UBN2: variants seen among roughly 807,000 people sequenced by gnomAD.
The protein encoded by UBN2 is ubinuclein-2.
UBN2 carries 35 observed loss-of-function variants against 120.2 expected under a neutral mutation model. The observed-to-expected ratio is 0.29, with a 90% confidence interval of 0.22 to 0.39. UBN2 has a LOEUF of 0.39. Among genes scored for constraint, UBN2 ranks in the 10% least tolerant of loss-of-function variants. The pLI, the probability that UBN2 is intolerant of heterozygous loss-of-function variation, is 1.00. For synonymous variants in UBN2, 661 were observed against 648.7 expected, an observed-to-expected ratio of 1.02 and a Z score of -0.29; for missense variants, 1,693 against 1,663.2, an observed-to-expected ratio of 1.02 and a Z score of -0.31.
chr7:139,313,495 A>G, the UBN2 span, among the ~76,000 whole-genome samples: 1 of 152,194 alleles, frequency 6.6e-6, no homozygotes, highest in Non-Finnish European at 1.5e-5. Context: ...TTATTTTACT[A>G]GCTTTTCAAT....
At chr7:139,261,109 G>C (rs1796917356) in intron 5 of UBN2, 143 bp from the exon 6 acceptor site, 3 of 964,066 alleles carry the variant, frequency 3.1e-6, no homozygotes, top group Admixed American at 6.0e-5. Context: ...AGGTGCTATT[G>C]TAATAGTATA....
chr7:139,258,584 G>C lies in UBN2; in HGVS notation c.760G>C (p.Glu254Gln), dbSNP rs202078043. 1,492 of 1,606,644 alleles carry C rather than the reference G, an allele frequency of 9.3e-4. No homozygotes were observed. The highest frequency in any genetic ancestry group is 1.2e-3 in the Non-Finnish European group (1,365 of 1,175,852). ...LQFRQASDTE[E>Q]DDITDNQKHK... is the part of the protein sequence containing the mutation. ...GTTTCGCCAAGCTTCAGATACTGAA[G>C]AAGATGATATTACAGACAACCAAAA... Residue 254 changes from glutamate (E) to glutamine (Q), a missense_variant, in exon 4 of 18, where the codon GAA becomes CAA. Glu to Gln is a conservative substitution (Grantham distance 29). This residue lies in a region of UBN2 where 663 missense variants were observed against 591.2 expected (regional missense o/e 1.12). Coordinates refer to ENST00000473989, the MANE Select transcript of UBN2 (RefSeq NM_173569.4).
At chr7:139,232,236 C>T (rs951049515) in intron 1 of UBN2, among the ~76,000 whole-genome samples, 1 of 152,276 alleles carries the variant, frequency 6.6e-6, no homozygotes, top group Non-Finnish European at 1.5e-5. Flanking sequence ...TTCGGAACCT[C>T]AGATTTTCCT....
intron 10 of UBN2, 108 bp from the exon 11 acceptor site, chr7:139,273,823 G>A: frequency 1.1e-6 from 1 of 951,348 alleles, no homozygotes; most frequent in Non-Finnish European, 1.5e-6. Context: ...AATGATATAT[G>A]TTAGAAATTG....
At chr7:139,324,098 T>C in the UBN2 span, among the ~76,000 whole-genome samples, 3 of 152,120 alleles carry the variant, frequency 2.0e-5, no homozygotes, top group African/African-American at 7.2e-5. Context: ...CATAAGCATT[T>C]AAATACCCTG....
chr7:139,310,518 C>T (rs1336638708), downstream of UBN2, among the ~76,000 whole-genome samples: 2 of 152,128 alleles, frequency 1.3e-5, no homozygotes, highest in Non-Finnish European at 2.9e-5. Context: ...TGCCTGTAAT[C>T]CCAGTACTTT....
rs143036503 is a variant in UBN2, at chr7:139,248,360, C to G, written c.562-3596C>G. On this transcript the variant is annotated intron_variant, in intron 2 of 17. Transcript: ENST00000473989. ...TGGCAGATGCTTTCAGATTGCTTTC[C>G]AAAAGGGTTTTATTGGTACATTCTT... is the stretch of plus-strand genomic sequence containing the variant. 2.0e-3 allele frequency among the ~76,000 whole-genome samples: 304 copies of G among 152,172 alleles called. 4 individuals are homozygous for G. Among genetic ancestry groups the G allele is most frequent in the African/African-American group, 6.7e-3 (280 of 41,548 alleles).
chr7:139,248,932 C>A (rs1046334934), intron 2 of UBN2, among the ~76,000 whole-genome samples: 1 of 151,932 alleles, frequency 6.6e-6, no homozygotes, highest in African/African-American at 2.4e-5. Flanking sequence ...AAATAAAGGA[C>A]AATCTATTAT....
At chr7:139,268,760 G>A (rs1001906005) in intron 7 of UBN2, among the ~76,000 whole-genome samples, 1 of 152,174 alleles carries the variant, frequency 6.6e-6, no homozygotes, top group East Asian at 1.9e-4. Context: ...TTTGAGGAAA[G>A]GAGCTTTTGG....
chr7:139,283,699 C>T lies in UBN2; in HGVS notation c.2794C>T (p.His932Tyr). 6.2e-7 allele frequency: 1 copy of T among 1,614,126 alleles called. No individual in the cohort carries two copies. Among genetic ancestry groups the T allele is most frequent in the Admixed American group, 1.7e-5 (1 of 60,022 alleles). The stretch of plus-strand genomic sequence containing the variant: ...AACACAAGTAACAAAGGTGCACCAG[C>T]ATTCAGCTGTCCAGCAGAACTATGT... ...SLTQVTKVHQ[H>Y]SAVQQNYVSP... is the part of the protein sequence containing the mutation. Residue 932 changes from histidine to tyrosine, a missense_variant, in exon 15 of 18, where the codon CAT becomes TAT. His to Tyr is a moderately conservative substitution (Grantham distance 83). This residue lies in a region of UBN2 where 837 missense variants were observed against 817.6 expected (regional missense o/e 1.02). Coordinates refer to ENST00000473989, the MANE Select transcript of UBN2 (RefSeq NM_173569.4).
At chr7:139,265,968 A>G (rs1797085347) in intron 6 of UBN2, among the ~76,000 whole-genome samples, 3 of 152,040 alleles carry the variant, frequency 2.0e-5, no homozygotes, top group Admixed American at 2.0e-4. Context: ...GCTGCAGGAA[A>G]CTTACACAAT....
At chr7:139,321,301 C>T in the UBN2 span, among the ~76,000 whole-genome samples, 1 of 152,184 alleles carries the variant, frequency 6.6e-6, no homozygotes, top group Non-Finnish European at 1.5e-5. Flanking sequence ...GTGTGCTGGA[C>T]GTTGCCCTTC....
At position 139,259,154 on chromosome 7, in the gene UBN2, G is replaced by A. The variant is rs565553846; in HGVS notation, c.802-113G>A. The stretch of plus-strand genomic sequence containing the variant: ...CCAAGGATCTGCAGTTATAACAAAC[G>A]ATTGTAATGCACACTGACATTTGAG... On this transcript the variant is annotated intron_variant, in intron 4 of 17. Transcript: ENST00000473989. 5.8e-5 allele frequency: 84 copies of A among 1,456,738 alleles called. No homozygotes were observed. The African/African-American group carries it at 5.8e-4, about 10-fold the overall frequency. 90.2% of individuals were successfully genotyped at this position (1,456,738 alleles called of 1,614,324 possible).
At chr7:139,281,682 T>C (rs1293254619) in intron 13 of UBN2, among the ~76,000 whole-genome samples, 1 of 152,232 alleles carries the variant, frequency 6.6e-6, no homozygotes, top group Non-Finnish European at 1.5e-5. Context: ...TAAATAAAAA[T>C]TAATCAAAAA....
In UBN2 at chr7:139,283,092, G is replaced by A. The variant is rs760768194; in HGVS notation, c.2187G>A (p.Thr729=). The A allele has an allele frequency of 2.0e-5, 33 of 1,612,634 alleles. No individual in the cohort carries two copies. The highest frequency in any genetic ancestry group is 1.8e-4 in the South Asian group (16 of 90,942). ...SLVASVSGPP[T]SSSTAAIAAA... ...TGGCTTCGGTTAGCGGTCCTCCAACGAGCTCCAGCACAGCTGCCATTGCTG... is the reference window on the plus strand; with the variant it reads ...TGGCTTCGGTTAGCGGTCCTCCAACAAGCTCCAGCACAGCTGCCATTGCTG... The change falls in exon 15 of 18, where the codon ACG becomes ACA. Residue 729 remains threonine (T), a synonymous_variant. Transcript: ENST00000473989.
Position 139,300,296 on chromosome 7 carries a change from T to G in UBN2, c.*2460T>G, listed in dbSNP as rs1798223573. The G allele has an allele frequency of 6.6e-6, 1 of 152,056 alleles. No individual in the cohort carries two copies. Among genetic ancestry groups the G allele is most frequent in the Non-Finnish European group, 1.5e-5 (1 of 68,036 alleles). The allele number at this position is 152,056 out of a possible 1,614,324, so 9.4% of individuals were successfully genotyped here. A position where few individuals can be genotyped will look rare whatever the true frequency, so the allele number is the denominator to read the frequency against. ...CACTGACGACTTACATTCATTTCAG[T>G]CAGGACCCCCCTTTTATGTTGTATG... On this transcript the variant is annotated 3_prime_UTR_variant, in exon 18 of 18. Transcript: ENST00000473989.
chr7:139,250,869 G>A (rs1207298854), intron 2 of UBN2, among the ~76,000 whole-genome samples: 1 of 152,198 alleles, frequency 6.6e-6, no homozygotes, highest in Non-Finnish European at 1.5e-5. Flanking sequence ...CACTTTGGGA[G>A]GCTGAGGCAG....
intron 3 of UBN2, among the ~76,000 whole-genome samples, chr7:139,252,939 CT>C (rs570925016): frequency 6.6e-6 from 1 of 150,886 alleles, no homozygotes; most frequent in African/African-American, 2.4e-5. Flanking sequence ...TTTTAGTGTT[CT>C]TTTTTTTTAA....
At chr7:139,248,335 T>C (rs941696658) in intron 2 of UBN2, among the ~76,000 whole-genome samples, 2 of 152,176 alleles carry the variant, frequency 1.3e-5, no homozygotes, top group East Asian at 1.9e-4. Flanking sequence ...CAAAGTCTCA[T>C]GGCAGATGCT....
Sources: allele counts gnomAD v4.1 joint callset (sites outside exome capture counted in the v4.1 genomes callset), GRCh38; gene constraint gnomAD v4.1.1; regional missense constraint gnomAD v4.1.1; transcripts MANE v1.5; gene names NCBI Gene and HGNC (gene_info 2026-07-23, HGNC 2026-07-21).